ZBED4: variants seen among roughly 807,000 people sequenced by gnomAD.
ZBED4 encodes zinc finger BED-type containing 4.
A neutral mutation model predicts 15.5 loss-of-function variants in ZBED4; 4 were observed. The ratio of observed to expected loss-of-function variants is 0.26; its 90% CI spans 0.13 to 0.59. ZBED4 has a LOEUF of 0.59. Ranked by LOEUF, ZBED4 falls within the 20% of genes least tolerant of loss-of-function variation. The pLI is 0.90. For synonymous variants in ZBED4, 692 were observed against 608.5 expected, an observed-to-expected ratio of 1.14 and a Z score of -2.02; for missense variants, 1,323 against 1,461.8, an observed-to-expected ratio of 0.91 and a Z score of 1.55.
chr22:49,869,983 CCTCA>C (rs2147518816), intron 1 of ZBED4, among the ~76,000 whole-genome samples: 1 of 152,240 alleles, frequency 6.6e-6, no homozygotes, highest in African/African-American at 2.4e-5. Flanking sequence ...CTCCCTCACT[CCTCA>C]CTCTCGCAGT....
chr22:49,855,043 T>C (rs1409093599), intron 1 of ZBED4, among the ~76,000 whole-genome samples: 1 of 152,228 alleles, frequency 6.6e-6, no homozygotes, highest in Non-Finnish European at 1.5e-5. Context: ...TATGAATTAA[T>C]TGCAATTACT....
intron 1 of ZBED4, among the ~76,000 whole-genome samples, chr22:49,856,766 C>A (rs867936353): frequency 5.9e-4 from 62 of 105,432 alleles, no homozygotes; most frequent in African/African-American, 2.3e-3. Flanking sequence ...AGGTGAAGGC[C>A]GCGCTGGAAT....
rs138599627 is a variant in ZBED4 at position 49,885,345 on chromosome 22, G to A, written c.1683G>A (p.Ser561=). The A allele has an allele frequency of 4.2e-5, 67 of 1,588,818 alleles. No individual in the cohort carries two copies. The highest frequency in any genetic ancestry group is 1.7e-4 in the Middle Eastern group (1 of 5,952). The change falls in exon 2 of 2, where the codon TCG becomes TCA. Residue 561 remains serine, a synonymous_variant. Coordinates refer to ENST00000216268, the MANE Select transcript of ZBED4 (RefSeq NM_014838.3). ...TTCCTGTTAATAGCAAAAAGACCTC[G>A]AAGCTGTGGAATCATTTTTCTATTT... is the stretch of plus-strand genomic sequence containing the variant. ...VMFPVNSKKT[S]KLWNHFSICS...
At chr22:49,874,698 T>TTTTTTTTTA (rs2060367359) in intron 1 of ZBED4, among the ~76,000 whole-genome samples, 1 of 142,292 alleles carries the variant, frequency 7.0e-6, no homozygotes. Flanking sequence ...TTTTTTTTTT[T>TTTTTTTTTA]GAGACGGAGT....
At chr22:49,853,622 G>A (rs1219499805), upstream of ZBED4, among the ~76,000 whole-genome samples, 1 of 152,060 alleles carries the variant, frequency 6.6e-6, no homozygotes, top group Admixed American at 6.5e-5. Flanking sequence ...TGCGTAGTTT[G>A]CCCTCCTGGA....
rs2060420194 is a variant in ZBED4 at position 49,883,540 on chromosome 22, A to G, written c.-123A>G. 1 of 1,331,506 alleles carries G rather than the reference A, an allele frequency of 7.5e-7. No individual in the cohort carries two copies. Among genetic ancestry groups the G allele is most frequent in the African/African-American group, 1.5e-5 (1 of 67,740 alleles). 82.5% of individuals were successfully genotyped at this position (1,331,506 alleles called of 1,614,324 possible). A position where few individuals can be genotyped will look rare whatever the true frequency, so the allele number is the denominator to read the frequency against. ...TATTTATGATTAGCCATATTTCTAGAAACATCCTGAAAGATGGAATTATGA... is the reference window on the plus strand; with the variant it reads ...TATTTATGATTAGCCATATTTCTAGGAACATCCTGAAAGATGGAATTATGA... On this transcript the variant is annotated 5_prime_UTR_variant, in exon 2 of 2. Transcript: ENST00000216268.
chr22:49,888,659 A>G lies in ZBED4; in HGVS notation c.*1481A>G. 1 of 167,296 alleles carries G rather than the reference A, an allele frequency of 6.0e-6. No individual in the cohort carries two copies. The highest frequency in any genetic ancestry group is 1.9e-4 in the East Asian group (1 of 5,342). The allele number at this position is 167,296 out of a possible 1,614,324, so 10.4% of individuals were successfully genotyped here. A position where few individuals can be genotyped will look rare whatever the true frequency, so the allele number is the denominator to read the frequency against. On this transcript the variant is annotated 3_prime_UTR_variant, in exon 2 of 2. Transcript: ENST00000216268. Reference sequence around the variant, plus strand: ...GGTCTCGTGTTCAAGTGGTGCCAGAATGCAGGAGCCGGTGGGCAGCCCTGA... The same window carrying G: ...GGTCTCGTGTTCAAGTGGTGCCAGAGTGCAGGAGCCGGTGGGCAGCCCTGA...
chr22:49,870,249 C>A (rs546430885), intron 1 of ZBED4, among the ~76,000 whole-genome samples: 2 of 152,270 alleles, frequency 1.3e-5, no homozygotes, highest in South Asian at 2.1e-4. Context: ...AGGTTGATTC[C>A]ATGTCTTTGC....
intron 1 of ZBED4, among the ~76,000 whole-genome samples, chr22:49,872,551 A>C (rs1383618040): frequency 6.6e-6 from 1 of 151,892 alleles, no homozygotes; most frequent in Non-Finnish European, 1.5e-5. Context: ...GTTTTTAGAG[A>C]TATGGTCTTG....
Position 49,884,499 on chromosome 22 carries a change from G to A in ZBED4, c.837G>A (p.Lys279=), listed in dbSNP as rs1174297732. 5 of 1,614,044 alleles carry A rather than the reference G, an allele frequency of 3.1e-6. No individual in the cohort carries two copies. The Admixed American group carries it at 5.0e-5, about 16-fold the overall frequency. Residue 279 remains lysine (K), a synonymous_variant, in exon 2 of 2, where the codon AAG becomes AAA. Coordinates refer to ENST00000216268, the MANE Select transcript of ZBED4 (RefSeq NM_014838.3). ...NLAEKSLPLP[K]STSGSRRRSA... ...CGGAGAAGAGCCTTCCACTTCCAAA[G>A]AGCACCTCTGGGTCCAGGAGAAGGT...
At chr22:49,854,319 G>A (rs111565011) in intron 1 of ZBED4, among the ~76,000 whole-genome samples, 1 of 150,882 alleles carries the variant, frequency 6.6e-6, no homozygotes, top group Non-Finnish European at 1.5e-5. Flanking sequence ...GGCGCCGCCC[G>A]GGTCCGCCGG....
Position 49,888,186 on chromosome 22 carries a change from G to A in ZBED4, c.*1008G>A, listed in dbSNP as rs14913. ...TCACTGGGATATTTTCAAATCCCAA[G>A]GACATCAGAGTGAAGTGTCAGTTGT... is the stretch of plus-strand genomic sequence containing the variant. On this transcript the variant is annotated 3_prime_UTR_variant, in exon 2 of 2. Coordinates refer to ENST00000216268, the MANE Select transcript of ZBED4 (RefSeq NM_014838.3). 4 of 167,132 alleles carry A rather than the reference G, an allele frequency of 2.4e-5. No individual in the cohort carries two copies. In the East Asian group the frequency reaches 7.5e-4, roughly 31 times the overall value. 10.4% of individuals were successfully genotyped at this position (167,132 alleles called of 1,614,324 possible).
chr22:49,886,506 C>T lies in ZBED4; in HGVS notation c.2844C>T (p.Ser948=), dbSNP rs772839494. The change falls in exon 2 of 2, where the codon AGC becomes AGT. Residue 948 remains serine, a synonymous_variant. Transcript: ENST00000216268. This position sits in a 1 kb window ranked among gnomAD's most constrained non-coding sequence, Gnocchi z 7.7. The stretch of plus-strand genomic sequence containing the variant: ...TCGAGGCTGCGAGCCGGGAGATGAG[C>T]ACGCAGATGTCCACCCTCAGCCAGG... ...KPFEAASREM[S]TQMSTLSQVI... 5.1e-6 allele frequency: 8 copies of T among 1,567,588 alleles called. No individual in the cohort carries two copies. The highest frequency in any genetic ancestry group is 1.8e-5 in the Admixed American group (1 of 55,034).
rs1453156106 is a variant in ZBED4 at position 49,884,854 on chromosome 22, C to G, written c.1192C>G (p.Gln398Glu). 6.2e-7 allele frequency: 1 copy of G among 1,610,292 alleles called. No homozygotes were observed. The highest frequency in any genetic ancestry group is 1.3e-5 in the African/African-American group (1 of 74,898). The change falls in exon 2 of 2, where the codon CAG becomes GAG. Residue 398 changes from glutamine to glutamate, a missense_variant. Transcript: ENST00000216268. Reference sequence around the variant, plus strand: ...CCCTGACAGGCTGACTGAGGACTTGCAGTCTCACTTGAACCCTGGAGATGG... The same window carrying G: ...CCCTGACAGGCTGACTGAGGACTTGGAGTCTCACTTGAACCCTGGAGATGG... ...SSPDRLTEDLQSHLNPGDGLM... is the reference protein window; with the variant it reads ...SSPDRLTEDLESHLNPGDGLM...
In ZBED4 at chr22:49,883,813, C is replaced by A. The variant is rs2060421905; in HGVS notation, c.151C>A (p.Gln51Lys). The A allele has an allele frequency of 6.2e-7, 1 of 1,612,796 alleles. No homozygotes were observed. The highest frequency in any genetic ancestry group is 2.2e-5 in the East Asian group (1 of 44,842). The change falls in exon 2 of 2, where the codon CAG (glutamine) becomes AAG (lysine). Residue 51 changes from glutamine to lysine, a missense_variant. This residue lies in a region of ZBED4 where 380 missense variants were observed against 413.7 expected (regional missense o/e 0.92). Coordinates refer to ENST00000216268, the MANE Select transcript of ZBED4 (RefSeq NM_014838.3). ...DFKSEQEDMK[Q>K]TDSGGERAGL... ...TAAAAGCGAGCAGGAGGACATGAAG[C>A]AGACAGACAGCGGTGGGGAGCGAGC...
At chr22:49,855,281 G>C (rs2060270272) in intron 1 of ZBED4, among the ~76,000 whole-genome samples, 1 of 152,204 alleles carries the variant, frequency 6.6e-6, no homozygotes, top group Admixed American at 6.5e-5. Context: ...TGAGGACACA[G>C]TTAATCTATA....
intron 1 of ZBED4, among the ~76,000 whole-genome samples, chr22:49,878,417 T>C (rs935375330): frequency 6.6e-6 from 1 of 151,246 alleles, no homozygotes; most frequent in Non-Finnish European, 1.5e-5. Flanking sequence ...GAAGAAGAGA[T>C]TGGTGGAGCG....
intron 1 of ZBED4, among the ~76,000 whole-genome samples, chr22:49,860,329 A>C (rs932387260): frequency 6.6e-6 from 1 of 152,162 alleles, no homozygotes; most frequent in Non-Finnish European, 1.5e-5. Flanking sequence ...CAAAAAATAC[A>C]TATATATAGT....
chr22:49,885,805 A>T lies in ZBED4; in HGVS notation c.2143A>T (p.Ile715Leu), dbSNP rs1265799547. ...AGGTATGTATGATAATGTGAAGCAG[A>T]TAATTATGTCCCACCTTAAGGAAGC... is the stretch of plus-strand genomic sequence containing the variant. ...IPGMYDNVKQ[I>L]IMSHLKEAES... Residue 715 changes from isoleucine (I) to leucine (L), a missense_variant, in exon 2 of 2, where the codon ATA becomes TTA. Around this residue, in one of 6 missense-constraint regions of ZBED4, gnomAD observed 89 missense variants for 129.8 expected, o/e 0.69. Transcript: ENST00000216268. 11 of 1,597,192 alleles carry T rather than the reference A, an allele frequency of 6.9e-6. No homozygotes were observed. Among genetic ancestry groups the T allele is most frequent in the Non-Finnish European group, 9.4e-6 (11 of 1,165,146 alleles).
Sources: allele counts gnomAD v4.1 joint callset (sites outside exome capture counted in the v4.1 genomes callset), GRCh38; gene constraint gnomAD v4.1.1; regional missense constraint gnomAD v4.1.1; non-coding constraint Gnocchi (gnomAD v3.1); transcripts MANE v1.5; gene names NCBI Gene and HGNC (gene_info 2026-07-23, HGNC 2026-07-21).